Variants in CDH13 observed in about 807,000 individuals in gnomAD.
CDH13 encodes cadherin 13.
Under a neutral mutation model 63.8 loss-of-function variants are expected in CDH13, and 24 were observed. The observed-to-expected ratio is 0.38, with a 90% CI of 0.27 to 0.53. CDH13 has a LOEUF of 0.53. CDH13 is among the 20% of genes least tolerant of loss of function. CDH13 has a pLI of 0.85. For synonymous variants in CDH13, 503 were observed against 355.3 expected (o/e 1.42, Z -4.67); for missense variants, 1,049 against 903.1 (o/e 1.16, Z -2.07).
At chr16:83,588,614 G>A (rs1380485186) in intron 7 of CDH13, among the ~76,000 whole-genome samples, 1 of 152,194 alleles carries the variant, frequency 6.6e-6, no homozygotes, top group Non-Finnish European at 1.5e-5. Context: ...TAAATACTTA[G>A]AAAGTGACTG....
chr16:83,011,172 C>T (rs1038871519), intron 2 of CDH13, among the ~76,000 whole-genome samples: 2 of 152,090 alleles, frequency 1.3e-5, no homozygotes, highest in African/African-American at 4.8e-5. Context: ...CGAAGCCAAG[C>T]AGGTTGTTTG....
intron 6 of CDH13, among the ~76,000 whole-genome samples, chr16:83,417,132 A>G (rs1180563938): frequency 3.3e-5 from 5 of 152,198 alleles, no homozygotes; most frequent in African/African-American, 7.2e-5. Flanking sequence ...AGAGAGGTTA[A>G]TTAGCCCAAG....
intron 8 of CDH13, among the ~76,000 whole-genome samples, chr16:83,634,161 G>GTGTGTGTGTGT (rs1911045032): frequency 1.3e-5 from 2 of 149,288 alleles, no homozygotes; most frequent in African/African-American, 4.9e-5. Context: ...GTGTGTGTGT[G>GTGTGTGTGTGT]GTCCTACGCA....
chr16:83,186,206 A>T (rs1289718667), intron 4 of CDH13, among the ~76,000 whole-genome samples: 1 of 150,832 alleles, frequency 6.6e-6, no homozygotes, highest in Non-Finnish European at 1.5e-5. Context: ...GTGATCTCGG[A>T]TCACTGCAGC....
chr16:82,851,601 T>C (rs2039490008), intron 1 of CDH13, among the ~76,000 whole-genome samples: 1 of 152,090 alleles, frequency 6.6e-6, no homozygotes, highest in Non-Finnish European at 1.5e-5. Flanking sequence ...TTCCTGGGGC[T>C]GTAAAACACC....
At chr16:82,722,935 A>G (rs1189708702) in intron 1 of CDH13, 3 of 152,186 alleles carry the variant, frequency 2.0e-5, no homozygotes, top group Non-Finnish European at 4.4e-5. Context: ...ATGTTTTCTC[A>G]CATTTCTATT....
chr16:82,825,614 T>G (rs2038208538), intron 1 of CDH13: 1 of 151,706 alleles, frequency 6.6e-6, no homozygotes, highest in Admixed American at 6.6e-5. Context: ...GGCACGATCT[T>G]GGCTCACTGC....
intron 2 of CDH13, among the ~76,000 whole-genome samples, chr16:83,027,408 A>G (rs1347293426): frequency 1.3e-5 from 2 of 152,198 alleles, no homozygotes; most frequent in African/African-American, 4.8e-5. Context: ...CTTGAAGAGT[A>G]AGCAAGAGTT....
At chr16:82,704,853 G>A (rs867249750) in intron 1 of CDH13, among the ~76,000 whole-genome samples, 3 of 152,286 alleles carry the variant, frequency 2.0e-5, no homozygotes, top group South Asian at 4.2e-4. Context: ...ATAGGATAAT[G>A]CATGAACCAT....
intron 3 of CDH13, among the ~76,000 whole-genome samples, chr16:83,048,774 A>G (rs1048688855): frequency 6.6e-6 from 1 of 151,856 alleles, no homozygotes; most frequent in Admixed American, 6.6e-5. Flanking sequence ...ACACTCTTAC[A>G]TCTTAAATTT....
chr16:82,843,373 T>C (rs1330292416), intron 1 of CDH13, among the ~76,000 whole-genome samples: 1 of 152,206 alleles, frequency 6.6e-6, no homozygotes, highest in Non-Finnish European at 1.5e-5. Context: ...GGTCAAATGT[T>C]TGTATGAACA....
At chr16:83,358,377 G>C (rs1012437047) in intron 6 of CDH13, among the ~76,000 whole-genome samples, 2 of 152,092 alleles carry the variant, frequency 1.3e-5, no homozygotes, top group Non-Finnish European at 2.9e-5. Flanking sequence ...TCTGTGACAC[G>C]GCCTCAAGGG....
intron 8 of CDH13, among the ~76,000 whole-genome samples, chr16:83,660,261 G>A (rs1481626783): frequency 1.3e-5 from 2 of 152,188 alleles, no homozygotes; most frequent in Admixed American, 6.5e-5. Flanking sequence ...CTACCATAAT[G>A]TAGAACCAGT....
At chr16:83,623,263 G>A (rs1008934546) in intron 8 of CDH13, among the ~76,000 whole-genome samples, 17 of 152,152 alleles carry the variant, frequency 1.1e-4, no homozygotes, top group African/African-American at 4.1e-4. Flanking sequence ...ACTCCAGGAA[G>A]CCATGCATTT....
intron 4 of CDH13, among the ~76,000 whole-genome samples, chr16:83,187,690 TGTAAATTCC>T (rs760263212): frequency 6.6e-5 from 10 of 152,148 alleles, no homozygotes; most frequent in Non-Finnish European, 1.3e-4. Context: ...TGAGGACTGC[TGTAAATTCC>T]GTGGACACAG....
intron 7 of CDH13, among the ~76,000 whole-genome samples, chr16:83,579,484 G>A (rs945531374): frequency 6.6e-6 from 1 of 152,018 alleles, no homozygotes; most frequent in African/African-American, 2.4e-5. Context: ...AGAGAGAGAA[G>A]GGGGAGGCAC....
At chr16:83,794,934 C>A (rs1176596442) in intron 13 of CDH13, 89 bp from the exon 14 acceptor site, 4 of 1,203,024 alleles carry the variant, frequency 3.3e-6, no homozygotes, top group East Asian at 2.5e-5. Context: ...GTTTATTATA[C>A]CTTGCCTGTC....
rs142989704 is a variant in CDH13 at position 83,692,347 on chromosome 16, A to G, written c.1538+13886A>G. Among the ~76,000 whole-genome samples the G allele has an allele frequency of 1.5e-3, 226 of 152,268 alleles. 1 individual carries two copies. The highest frequency in any genetic ancestry group is 2.6e-3 in the Admixed American group (39 of 15,292). ...GGTTGCTCCCTGGACTCAAGGTTGC[A>G]GGAGGTCCCTAGGGATGCATTCTTC... On this transcript the variant is annotated intron_variant, in intron 10 of 13. Coordinates refer to ENST00000567109, the MANE Select transcript of CDH13 (RefSeq NM_001257.5).
intron 6 of CDH13, among the ~76,000 whole-genome samples, chr16:83,479,282 C>G (rs1399778728): frequency 1.3e-5 from 2 of 152,172 alleles, no homozygotes; most frequent in Non-Finnish European, 2.9e-5. Flanking sequence ...TGGTTGGGTC[C>G]CACAAGCTAT....
Sources: allele counts gnomAD v4.1 joint callset (sites outside exome capture counted in the v4.1 genomes callset), GRCh38; gene constraint gnomAD v4.1.1; transcripts MANE v1.5; gene names NCBI Gene and HGNC (gene_info 2026-07-23, HGNC 2026-07-21).